MAP4: variants seen among roughly 807,000 people sequenced by gnomAD.
MAP4 encodes microtubule associated protein 4, also known as microtubule-associated protein 4.
A neutral mutation model predicts 170.2 loss-of-function variants in MAP4; 76 were observed. That is an observed-to-expected ratio of 0.45 (90% confidence interval 0.37 to 0.54). The LOEUF (loss-of-function observed/expected upper bound fraction) is 0.54. Ranked by LOEUF, MAP4 falls within the 20% of genes least tolerant of loss-of-function variation. The pLI, the probability that MAP4 is intolerant of heterozygous loss-of-function variation, is 0.00. For missense variants in MAP4, 2,506 were observed against 2,748.0 expected, an observed-to-expected ratio of 0.91 and a Z score of 1.97; for synonymous variants, 909 against 994.5, an observed-to-expected ratio of 0.91 and a Z score of 1.62.
intron 1 of MAP4, among the ~76,000 whole-genome samples, chr3:48,063,009 C>T (rs1424374061): frequency 3.3e-5 from 5 of 151,004 alleles, no homozygotes; most frequent in South Asian, 4.2e-4. Flanking sequence ...CAACGATATA[C>T]GAATGGCAAA....
chr3:47,919,804 T>A (rs996464075), intron 5 of MAP4, among the ~76,000 whole-genome samples: 19 of 152,190 alleles, frequency 1.2e-4, no homozygotes, highest in African/African-American at 4.6e-4. Context: ...ACAACCAACA[T>A]AATATACTAT....
At chr3:47,875,066 A>G (rs2094851741) in intron 12 of MAP4, among the ~76,000 whole-genome samples, 1 of 152,246 alleles carries the variant, frequency 6.6e-6, no homozygotes, top group Non-Finnish European at 1.5e-5. Flanking sequence ...GGTGACCTGG[A>G]AAACTGGATG....
chr3:47,881,930 C>T (rs2096836545), intron 10 of MAP4, among the ~76,000 whole-genome samples: 1 of 152,138 alleles, frequency 6.6e-6, no homozygotes, highest in African/African-American at 2.4e-5. Flanking sequence ...AAATAATATA[C>T]TCTTCCAATC....
rs187887760 is a variant in MAP4, at chr3:47,865,857, C to T, written c.6501+1389G>A. 2.0e-4 allele frequency among the ~76,000 whole-genome samples: 30 copies of T among 152,284 alleles called. No homozygotes were observed. The East Asian group carries it at 5.2e-3, about 26-fold the overall frequency. On this transcript the variant is annotated intron_variant, in intron 17 of 20. Transcript: ENST00000683076. ...TTCTAGGCACTGTCACAGTGACAAG[C>T]GGAAAGCACACAGGGTGTTCTTCAC...
At position 47,875,835 on chromosome 3, in the gene MAP4, G is replaced by T. The variant is rs746280939; in HGVS notation, c.5607C>A (p.Leu1869=). The T allele has an allele frequency of 1.2e-6, 2 of 1,614,054 alleles. No individual in the cohort carries two copies. Among genetic ancestry groups the T allele is most frequent in the Admixed American group, 3.3e-5 (2 of 59,962 alleles). The change falls in exon 12 of 21, where the codon CTC becomes CTA. Residue 1869 remains leucine (L), a synonymous_variant. Transcript: ENST00000683076. Reference sequence around the variant, plus strand: ...TGGTGGTGGGAGCTGGCTGCTTAGGGAGAGAAGTGGGCTGTGTTTTGGCTT... The same window carrying T: ...TGGTGGTGGGAGCTGGCTGCTTAGGTAGAGAAGTGGGCTGTGTTTTGGCTT... ...TSKAKTQPTS[L]PKQPAPTTIG...
chr3:48,048,905 T>A (rs1211877000), intron 1 of MAP4, among the ~76,000 whole-genome samples: 1 of 152,176 alleles, frequency 6.6e-6, no homozygotes, highest in African/African-American at 2.4e-5. Context: ...TTCTGCTACC[T>A]CTCTGTATTT....
chr3:48,085,725 C>T (rs2100148670), intron 1 of MAP4, among the ~76,000 whole-genome samples: 1 of 152,138 alleles, frequency 6.6e-6, no homozygotes, highest in South Asian at 2.1e-4. Flanking sequence ...AGTTCAAGAC[C>T]AGCCTGGCCA....
Position 47,916,424 on chromosome 3 carries a change from A to G in MAP4, c.1403T>C (p.Leu468Ser), listed in dbSNP as rs758504081. ...VILTKDKALP[L>S]EAEVAPVKDM... ...CTTGACTGGGGCCACCTCTGCTTCT[A>G]AAGGTAGTGCTTTATCCTTGGTCAA... Residue 468 changes from leucine to serine, a missense_variant, in exon 7 of 21, where the codon TTA (leucine) becomes TCA (serine). Leu to Ser is a moderately radical substitution (Grantham distance 145). This residue lies in a region of MAP4 where 2,008 missense variants were observed against 2,206.0 expected (regional missense o/e 0.91). Transcript: ENST00000683076. 6.2e-6 allele frequency: 10 copies of G among 1,614,010 alleles called. No homozygotes were observed. In the South Asian group the frequency reaches 9.9e-5, roughly 16 times the overall value.
Position 47,909,870 on chromosome 3 carries a change from T to C in MAP4, c.4551A>G (p.Glu1517=). Residue 1517 remains glutamate (E), a synonymous_variant, in exon 9 of 21, where the codon GAA becomes GAG. Coordinates refer to ENST00000683076, the MANE Select transcript of MAP4 (RefSeq NM_001385682.1). ...AGTGATCTCCATGAATGTTAACTGT[T>C]TCTATGGCTGTTGTAATAGGTAGAG... The part of the protein sequence containing the change: ...GVALPITTAI[E]TVNIHGDHSL... The C allele has an allele frequency of 6.2e-7, 1 of 1,614,034 alleles. No individual in the cohort carries two copies. The highest frequency in any genetic ancestry group is 8.5e-7 in the Non-Finnish European group (1 of 1,179,896).
upstream of MAP4, among the ~76,000 whole-genome samples, chr3:48,018,015 G>A (rs2100108654): frequency 1.3e-5 from 2 of 152,198 alleles, no homozygotes; most frequent in South Asian, 4.1e-4. Flanking sequence ...CATCGCATGT[G>A]CAGTTCACAA....
chr3:48,054,503 G>GCCACCACA (rs2100129588), intron 1 of MAP4, among the ~76,000 whole-genome samples: 1 of 149,514 alleles, frequency 6.7e-6, no homozygotes, highest in South Asian at 2.1e-4. Flanking sequence ...GGTGGCGGGC[G>GCCACCACA]CCTGTAATCC....
chr3:47,945,646 C>T (rs2154055364), intron 3 of MAP4, among the ~76,000 whole-genome samples: 2 of 152,098 alleles, frequency 1.3e-5, no homozygotes, highest in South Asian at 4.1e-4. Context: ...AATTAAGATT[C>T]TTCTTTTTGC....
intron 1 of MAP4, among the ~76,000 whole-genome samples, chr3:48,049,400 G>A (rs1017160784): frequency 1.3e-5 from 2 of 151,696 alleles, no homozygotes; most frequent in African/African-American, 2.4e-5. Flanking sequence ...CAGGAGGATC[G>A]TTTGAGCCTA....
At chr3:48,056,843 G>C (rs1373505193) in intron 1 of MAP4, among the ~76,000 whole-genome samples, 3 of 117,382 alleles carry the variant, frequency 2.6e-5, no homozygotes, top group African/African-American at 7.0e-5. Flanking sequence ...AGGGAGGTGG[G>C]GGGGGGGTCA....
chr3:47,892,743 C>A, intron 10 of MAP4: 1 of 1,310,380 alleles, frequency 7.6e-7, no homozygotes, highest in Admixed American at 3.7e-5. Context: ...CAACAAAATG[C>A]TACTTTAATC....
chr3:47,942,934 A>T (rs901828229), intron 3 of MAP4, among the ~76,000 whole-genome samples: 1 of 152,002 alleles, frequency 6.6e-6, no homozygotes, highest in Non-Finnish European at 1.5e-5. Flanking sequence ...ATGTAGCAAG[A>T]CCCCAACCTC....
chr3:47,975,438 C>G (rs1339175619), intron 3 of MAP4: 1 of 1,567,888 alleles, frequency 6.4e-7, no homozygotes, highest in Admixed American at 1.9e-5. Flanking sequence ...GTTGCAGCAG[C>G]CCCAGTGTTG....
At chr3:47,961,408 A>C (rs1559613459) in intron 3 of MAP4, among the ~76,000 whole-genome samples, 1 of 152,200 alleles carries the variant, frequency 6.6e-6, no homozygotes, top group Non-Finnish European at 1.5e-5. Flanking sequence ...GCATGTCCTC[A>C]TTCCTCATTT....
Position 47,916,149 on chromosome 3 carries a change from T to C in MAP4, c.1678A>G (p.Lys560Glu). 6.2e-7 allele frequency: 1 copy of C among 1,614,226 alleles called. No homozygotes were observed. The highest frequency in any genetic ancestry group is 8.5e-7 in the Non-Finnish European group (1 of 1,180,038). The change falls in exon 7 of 21, where the codon AAG becomes GAG. Residue 560 changes from lysine (K) to glutamate (E), a missense_variant. Physicochemically the swap from Lys to Glu is moderately conservative, Grantham distance 56. Around this residue, in one of 3 missense-constraint regions of MAP4, gnomAD observed 2,008 missense variants for 2,206.0 expected, o/e 0.91. Transcript: ENST00000683076. ...TTGGCCAGGGTCAGAACCCCATCCT[T>C]AGCCAGGGGTGCTTCTGTTTTGAGG... ...PALKTEAPLAKDGVLTLANNV... is the reference protein window; with the variant it reads ...PALKTEAPLAEDGVLTLANNV...
Sources: allele counts gnomAD v4.1 joint callset (sites outside exome capture counted in the v4.1 genomes callset), GRCh38; gene constraint gnomAD v4.1.1; regional missense constraint gnomAD v4.1.1; transcripts MANE v1.5; gene names NCBI Gene and HGNC (gene_info 2026-07-23, HGNC 2026-07-21).